CASP2: variants seen among roughly 807,000 people sequenced by gnomAD.
CASP2 encodes the protein caspase 2, also known as caspase-2.
Under a neutral mutation model 54.4 loss-of-function variants are expected in CASP2, and 38 were observed. The ratio of observed to expected loss-of-function variants is 0.70; its 90% CI spans 0.54 to 0.92. The LOEUF (loss-of-function observed/expected upper bound fraction) is 0.92. CASP2 is among the 40% of genes least tolerant of loss of function. The probability of loss-of-function intolerance (pLI) is 0.00; values close to 1 mark genes in which losing one functional copy is unlikely to be tolerated. For synonymous variants in CASP2, 215 were observed against 216.3 expected, an observed-to-expected ratio of 0.99 and a Z score of 0.05; for missense variants, 512 against 579.6, an observed-to-expected ratio of 0.88 and a Z score of 1.20.
At position 143,306,519 on chromosome 7, in the gene CASP2, A is replaced by G. The variant is rs796929652; in HGVS notation, c.*1448A>G. The G allele has an allele frequency of 6.7e-5, 10 of 149,224 alleles. No individual in the cohort carries two copies. The highest frequency in any genetic ancestry group is 2.5e-4 in the African/African-American group (10 of 40,700). 9.2% of individuals were successfully genotyped at this position (149,224 alleles called of 1,614,324 possible). A position where few individuals can be genotyped will look rare whatever the true frequency, so the allele number is the denominator to read the frequency against. On this transcript the variant is annotated 3_prime_UTR_variant, in exon 11 of 11. Transcript: ENST00000310447. ...TGATCCACCCACCTCAGCCTCCCAAAGTGTTGGGATTACAGGCGTGAGCCA... is the reference window on the plus strand; with the variant it reads ...TGATCCACCCACCTCAGCCTCCCAAGGTGTTGGGATTACAGGCGTGAGCCA...
intron 1 of CASP2, among the ~76,000 whole-genome samples, chr7:143,289,376 G>T (rs975249662): frequency 1.3e-5 from 2 of 152,212 alleles, no homozygotes; most frequent in South Asian, 4.1e-4. Context: ...TAAAACTAAA[G>T]AGTTGATTGA....
chr7:143,305,152 A>G lies in CASP2; in HGVS notation c.*81A>G, dbSNP rs1802031638. 1 of 1,562,182 alleles carries G rather than the reference A, an allele frequency of 6.4e-7. No homozygotes were observed. The highest frequency in any genetic ancestry group is 8.8e-7 in the Non-Finnish European group (1 of 1,135,546). ...ATAGAGCCTTTGATCTTCAGGATGC[A>G]CGGTTTCTGTTCTGCCCCCTCAGGG... On this transcript the variant is annotated 3_prime_UTR_variant, in exon 11 of 11. Coordinates refer to ENST00000310447, the MANE Select transcript of CASP2 (RefSeq NM_032982.4).
chr7:143,307,208 C>T lies in CASP2; in HGVS notation c.*2137C>T, dbSNP rs1041571921. 6.6e-6 allele frequency: 1 copy of T among 152,178 alleles called. No homozygotes were observed. The highest frequency in any genetic ancestry group is 2.4e-5 in the African/African-American group (1 of 41,432). 9.4% of individuals were successfully genotyped at this position (152,178 alleles called of 1,614,324 possible). ...ACTTTTACTTGTTCATTTCTGTCTC[C>T]CCTACCAGGCTGTAAATGAGGGCAG... On this transcript the variant is annotated 3_prime_UTR_variant, in exon 11 of 11. Transcript: ENST00000310447.
chr7:143,299,646 C>G (rs1801856823), intron 6 of CASP2, among the ~76,000 whole-genome samples: 1 of 152,156 alleles, frequency 6.6e-6, no homozygotes, highest in Middle Eastern at 3.2e-3. Context: ...TCATGATTAG[C>G]TTCTTTAGTA....
In CASP2 at chr7:143,303,889, T is replaced by G; in HGVS notation, c.1073T>G (p.Leu358Arg). 6.2e-7 allele frequency: 1 copy of G among 1,612,124 alleles called. No individual in the cohort carries two copies. The highest frequency in any genetic ancestry group is 8.5e-7 in the Non-Finnish European group (1 of 1,179,092). ...AGKEKLPKMRLPTRSDMICGY... is the reference protein window; with the variant it reads ...AGKEKLPKMRRPTRSDMICGY... ...AAAGAAAAGTTGCCGAAGATGAGAC[T>G]GCCCACGCGCTCAGACATGATATGC... The change falls in exon 9 of 11, where the codon CTG (leucine) becomes CGG (arginine). Residue 358 changes from leucine (L) to arginine (R), a missense_variant. This residue lies in a region of CASP2 where 417 missense variants were observed against 495.4 expected (regional missense o/e 0.84). Transcript: ENST00000310447.
intron 1 of CASP2, chr7:143,289,612 C>T: frequency 1.0e-6 from 1 of 983,544 alleles, no homozygotes; most frequent in African/African-American, 1.7e-5. Flanking sequence ...ATTTAAGGAG[C>T]GAATACTACT....
intron 6 of CASP2, among the ~76,000 whole-genome samples, chr7:143,296,845 C>G (rs1170725959): frequency 6.6e-6 from 1 of 152,112 alleles, no homozygotes; most frequent in East Asian, 1.9e-4. Context: ...ACTCCTCTTC[C>G]CCTGATAGTG....
At position 143,288,964 on chromosome 7, in the gene CASP2, A is replaced by G. The variant is rs542480510; in HGVS notation, c.74+435A>G. ...CCTGATGTGCATTTGATTTGTATCGATTGTATCATGATCTGCATGGCTTTG... is the reference window on the plus strand; with the variant it reads ...CCTGATGTGCATTTGATTTGTATCGGTTGTATCATGATCTGCATGGCTTTG... On this transcript the variant is annotated intron_variant, in intron 1 of 10. Coordinates refer to ENST00000310447, the MANE Select transcript of CASP2 (RefSeq NM_032982.4). 5.3e-4 allele frequency among the ~76,000 whole-genome samples: 81 copies of G among 152,336 alleles called. No homozygotes were observed. In the Middle Eastern group the frequency reaches 0.01, roughly 19 times the overall value.
chr7:143,304,069 G>GT (rs1356933945), intron 9 of CASP2, 136 bp downstream of exon 9: 64 of 901,448 alleles, frequency 7.1e-5, no homozygotes, highest in South Asian at 1.5e-4. Flanking sequence ...GGATTTTTTT[G>GT]TTTTTTTGGA....
intron 6 of CASP2, among the ~76,000 whole-genome samples, chr7:143,297,130 C>T (rs756387581): frequency 2.1e-4 from 32 of 152,196 alleles, no homozygotes; most frequent in Non-Finnish European, 4.3e-4. Flanking sequence ...CATATAATTT[C>T]AGAGGGTTCA....
Position 143,297,636 on chromosome 7 carries a change from AGG to A in CASP2, c.748-2285_748-2284del, listed in dbSNP as rs1235066699. On this transcript the variant is annotated intron_variant, in intron 6 of 10. Coordinates refer to ENST00000310447, the MANE Select transcript of CASP2 (RefSeq NM_032982.4). ...TAATTTTTGTATTTTTAGTAGAGAC[AGG>A]GTTTCATCACATTGGTCAGGCTGGT... 2.0e-5 allele frequency among the ~76,000 whole-genome samples: 3 copies of A among 152,054 alleles called. No homozygotes were observed. The East Asian group carries it at 5.8e-4, about 29-fold the overall frequency.
At position 143,288,395 on chromosome 7, in the gene CASP2, C is replaced by CG; in HGVS notation, c.-59dup. On this transcript the variant is annotated 5_prime_UTR_variant, in exon 1 of 11. Transcript: ENST00000310447. The stretch of plus-strand genomic sequence containing the variant: ...GAGGGGAGGGATGTGGGGGAAGCGA[C>CG]GGCCCCCGGTTTGTTTGGGCTGTGG... The CG allele has an allele frequency of 3.2e-6, 5 of 1,540,202 alleles. No individual in the cohort carries two copies. The South Asian group carries it at 5.7e-5, about 17-fold the overall frequency.
At chr7:143,302,256 G>T (rs1801937695) in intron 8 of CASP2, 1 of 152,198 alleles carries the variant, frequency 6.6e-6, no homozygotes, top group African/African-American at 2.4e-5. Context: ...ACGTTAAATT[G>T]TGATTTTCTC....
At chr7:143,289,838 C>T (rs1376669507) in intron 1 of CASP2, among the ~76,000 whole-genome samples, 1 of 152,056 alleles carries the variant, frequency 6.6e-6, no homozygotes, top group Non-Finnish European at 1.5e-5. Context: ...GAGTTTCAGA[C>T]TCATTTTTCC....
intron 6 of CASP2, among the ~76,000 whole-genome samples, chr7:143,295,474 T>C (rs1184795896): frequency 1.3e-5 from 2 of 152,238 alleles, no homozygotes; most frequent in East Asian, 1.9e-4. Flanking sequence ...TTGTGACCTT[T>C]AGGGTTTCTA....
chr7:143,294,045 G>A (rs1203868227), intron 4 of CASP2, among the ~76,000 whole-genome samples, 185 bp from the exon 5 acceptor site: 1 of 152,192 alleles, frequency 6.6e-6, no homozygotes, highest in African/African-American at 2.4e-5. Context: ...CAGGCTATGT[G>A]CAGAGAATCC....
At position 143,292,669 on chromosome 7, in the gene CASP2, C is replaced by G. The variant is rs761073288; in HGVS notation, c.446C>G (p.Pro149Arg). Residue 149 changes from proline to arginine, a missense_variant, in exon 4 of 11, where the codon CCC (proline) becomes CGC (arginine). This residue lies in a region of CASP2 where 417 missense variants were observed against 495.4 expected (regional missense o/e 0.84). Transcript: ENST00000310447. ...CCTTTTCCGGTGTGTGAGTCCTGTC[C>G]CCTTTACAAGAAGCTCCGCCTGTCG... ...SLPFPVCESC[P>R]LYKKLRLSTD... 24 of 1,613,042 alleles carry G rather than the reference C, an allele frequency of 1.5e-5. No individual in the cohort carries two copies. In the South Asian group the frequency reaches 2.4e-4, roughly 16 times the overall value.
intron 8 of CASP2, chr7:143,301,509 T>C (rs3212147): frequency 6.6e-6 from 1 of 152,078 alleles, no homozygotes; most frequent in Non-Finnish European, 1.5e-5. Context: ...TAAGCAAAGG[T>C]GAAATTAGCA....
At chr7:143,304,574 C>G in intron 9 of CASP2, 100 bp from the exon 10 acceptor site, 1 of 845,418 alleles carries the variant, frequency 1.2e-6, no homozygotes, top group Non-Finnish European at 2.1e-6. Flanking sequence ...ATGCTGGGTT[C>G]TCTGACTAGG....
Sources: allele counts gnomAD v4.1 joint callset (sites outside exome capture counted in the v4.1 genomes callset), GRCh38; gene constraint gnomAD v4.1.1; regional missense constraint gnomAD v4.1.1; transcripts MANE v1.5; gene names NCBI Gene and HGNC (gene_info 2026-07-23, HGNC 2026-07-21).